The following SF3A1 variants were observed in gnomAD, a reference collection of about 807,000 sequenced individuals.
The protein encoded by SF3A1 is splicing factor 3a subunit 1, also known as SAP 114.
A neutral mutation model predicts 89.9 loss-of-function variants in SF3A1; 13 were observed. The ratio of observed to expected loss-of-function variants is 0.14; its 90% CI spans 0.09 to 0.23. SF3A1 has a LOEUF of 0.23. Ranked by LOEUF, SF3A1 falls within the 10% of genes least tolerant of loss-of-function variation. SF3A1 has a pLI of 1.00. For synonymous variants in SF3A1, 405 were observed against 374.4 expected (o/e 1.08, Z -0.94); for missense variants, 604 against 1,022.1 (o/e 0.59, Z 5.58).
chr22:30,353,747 T>G (rs1931672052), intron 1 of SF3A1, among the ~76,000 whole-genome samples: 1 of 152,308 alleles, frequency 6.6e-6, no homozygotes, highest in African/African-American at 2.4e-5. Context: ...GACACGAGTC[T>G]GCCGACGCTC....
chr22:30,336,918 C>T, intron 13 of SF3A1, 108 bp downstream of exon 13: 1 of 1,352,554 alleles, frequency 7.4e-7, no homozygotes, highest in Non-Finnish European at 1.0e-6. Flanking sequence ...GACCTAGGCC[C>T]CAGAAGCCAA....
rs1348960350 is a variant in SF3A1 at position 30,339,160 on chromosome 22, A to G, written c.1467T>C (p.Gly489=). ...VEETAIGKKI[G]EEEIQKPEEK... is the part of the protein sequence containing the mutation. ...CCTCTGGCTTCTGGATCTCCTCCTC[A>G]CCGATCTTCTTACCAATGGCTGTTT... The change falls in exon 10 of 16, where the codon GGT becomes GGC. Residue 489 remains glycine (G), a synonymous_variant. Transcript: ENST00000215793. 5 of 1,613,964 alleles carry G rather than the reference A, an allele frequency of 3.1e-6. No homozygotes were observed. The African/African-American group carries it at 5.3e-5, about 17-fold the overall frequency.
intron 7 of SF3A1, 125 bp from the exon 8 acceptor site, chr22:30,340,937 C>T: frequency 3.1e-6 from 2 of 650,058 alleles, no homozygotes; most frequent in Non-Finnish European, 5.4e-6. Context: ...TGTGCTAAGC[C>T]TCCCAGGGCA....
rs1375663376 is a variant in SF3A1, at chr22:30,356,764, G to A, written c.29C>T (p.Pro10Leu). MPAGPVQAV[P>L]PPPPVPTEPK... ...CTCCGTGGGCACGGGCGGCGGCGGG[G>A]GCACCGCCTGCACGGGTCCGGCCGG... Residue 10 changes from proline (P) to leucine (L), a missense_variant, in exon 1 of 16, where the codon CCC (proline) becomes CTC (leucine). Pro to Leu is a moderately conservative substitution (Grantham distance 98, BLOSUM62 -3). This residue lies in a region of SF3A1 where 55 missense variants were observed against 43.8 expected (regional missense o/e 1.25). Coordinates refer to ENST00000215793, the MANE Select transcript of SF3A1 (RefSeq NM_005877.6). 10 of 1,479,276 alleles carry A rather than the reference G, an allele frequency of 6.8e-6. No individual in the cohort carries two copies. Among genetic ancestry groups the A allele is most frequent in the Non-Finnish European group, 9.0e-6 (10 of 1,110,598 alleles). The allele number at this position is 1,479,276 out of a possible 1,614,324, so 91.6% of individuals were successfully genotyped here.
chr22:30,339,355 T>C (rs1476090506), intron 9 of SF3A1, 104 bp from the exon 10 acceptor site: 4 of 1,441,176 alleles, frequency 2.8e-6, no homozygotes, highest in Non-Finnish European at 3.8e-6. Context: ...GCTGGTTCCA[T>C]GGGATGAGGG....
intron 2 of SF3A1, among the ~76,000 whole-genome samples, chr22:30,351,352 A>G (rs1931588146): frequency 6.6e-6 from 1 of 152,084 alleles, no homozygotes; most frequent in African/African-American, 2.4e-5. Context: ...GTCTAATTTT[A>G]TTAGGTTGGG....
chr22:30,335,342 A>ATGG lies in SF3A1; in HGVS notation c.2280+122_2280+124dup, dbSNP rs1271922129. ...CCCAGCCAGCATCATGACTTCTAGGATGGATTCAGATGGCCACACCCAGAT... is the reference window on the plus strand; with the variant it reads ...CCCAGCCAGCATCATGACTTCTAGGATGGTGGATTCAGATGGCCACACCCAGAT... On this transcript the variant is annotated intron_variant, in intron 15 of 15. Transcript: ENST00000215793. The ATGG allele has an allele frequency of 1.2e-5, 10 of 821,460 alleles. No individual in the cohort carries two copies. The Admixed American group carries it at 1.9e-4, about 16-fold the overall frequency. The allele number at this position is 821,460 out of a possible 1,614,324, so 50.9% of individuals were successfully genotyped here. A position where few individuals can be genotyped will look rare whatever the true frequency, so the allele number is the denominator to read the frequency against.
At chr22:30,355,784 T>C (rs1030868599) in intron 1 of SF3A1, among the ~76,000 whole-genome samples, 15 of 150,474 alleles carry the variant, frequency 1.0e-4, no homozygotes, top group Admixed American at 4.0e-4. Context: ...CTTAAATATT[T>C]GTGGAAAAGG....
At chr22:30,345,282 G>T in intron 3 of SF3A1, 92 bp from the exon 4 acceptor site, 2 of 1,233,334 alleles carry the variant, frequency 1.6e-6, no homozygotes, top group Non-Finnish European at 1.2e-6. Context: ...GCACCCCTCA[G>T]CAGGATGCTG....
At chr22:30,341,967 C>A in intron 6 of SF3A1, 82 bp from the exon 7 acceptor site, 3 of 1,397,166 alleles carry the variant, frequency 2.1e-6, no homozygotes, top group Admixed American at 2.1e-5. Context: ...AGGGCTGGGG[C>A]CATGTCTGTT....
intron 2 of SF3A1, among the ~76,000 whole-genome samples, chr22:30,349,348 T>A (rs1427756875): frequency 6.6e-6 from 1 of 152,264 alleles, no homozygotes; most frequent in Non-Finnish European, 1.5e-5. Flanking sequence ...TGGCACAATC[T>A]TGGCTCACTG....
chr22:30,356,204 C>G (rs1266427594), intron 1 of SF3A1, among the ~76,000 whole-genome samples: 2 of 152,174 alleles, frequency 1.3e-5, no homozygotes, highest in East Asian at 3.9e-4. Context: ...AGCCTGTGAG[C>G]TCCCTAGGCA....
chr22:30,335,847 C>T (rs1418186451), intron 13 of SF3A1, 94 bp from the exon 14 acceptor site: 1 of 1,020,134 alleles, frequency 9.8e-7, no homozygotes, highest in African/African-American at 1.6e-5. Flanking sequence ...ACAATGTCAC[C>T]TGTGCATCTG....
At chr22:30,337,946 C>T (rs780231260) in intron 11 of SF3A1, 49 bp from the exon 12 acceptor site, 1 of 1,353,614 alleles carries the variant, frequency 7.4e-7, no homozygotes, top group East Asian at 2.3e-5. Flanking sequence ...AGTTGGACTC[C>T]AAGGTCACAC....
In SF3A1 at chr22:30,341,709, C is replaced by T. The variant is rs775368432; in HGVS notation, c.1054G>A (p.Val352Ile). ...PPSQLDQDTQ[V>I]QDMDEGSDDE... is the part of the protein sequence containing the mutation. ...CAGCTTACCTCATCCATATCTTGTACTTGGGTGTCCTGGTCCAGCTGGGAA... is the reference window on the plus strand; with the variant it reads ...CAGCTTACCTCATCCATATCTTGTATTTGGGTGTCCTGGTCCAGCTGGGAA... Residue 352 changes from valine to isoleucine, a missense_variant, in exon 7 of 16, where the codon GTA becomes ATA. Coordinates refer to ENST00000215793, the MANE Select transcript of SF3A1 (RefSeq NM_005877.6). The T allele has an allele frequency of 5.0e-6, 8 of 1,613,952 alleles. No homozygotes were observed. In the South Asian group the frequency reaches 7.7e-5, roughly 16 times the overall value.
rs374261018 is a variant in SF3A1 at position 30,344,921 on chromosome 22, C to T, written c.651+12G>A. 8.1e-5 allele frequency: 131 copies of T among 1,611,088 alleles called. No homozygotes were observed. The highest frequency in any genetic ancestry group is 1.0e-4 in the Non-Finnish European group (123 of 1,177,396). ...CTGGGCCCAGGACCCCAGCCCCATCCTGCCCAGGCACCTTGGTGTACTGTT... is the reference window on the plus strand; with the variant it reads ...CTGGGCCCAGGACCCCAGCCCCATCTTGCCCAGGCACCTTGGTGTACTGTT... On this transcript the variant is annotated intron_variant, in intron 4 of 15. Transcript: ENST00000215793.
chr22:30,344,579 G>C (rs956796257), intron 4 of SF3A1, among the ~76,000 whole-genome samples: 2 of 152,212 alleles, frequency 1.3e-5, no homozygotes, highest in Admixed American at 6.5e-5. Context: ...TTAGGTAAAA[G>C]GAGGCAACTC....
Position 30,345,207 on chromosome 22 carries a change from G to A in SF3A1, c.394-17C>T, listed in dbSNP as rs745466025. On this transcript the variant is annotated splice_polypyrimidine_tract_variant and intron_variant, in intron 3 of 15. Coordinates refer to ENST00000215793, the MANE Select transcript of SF3A1 (RefSeq NM_005877.6). ...GGCTTGGACCTAAGATGCAAAGGGA[G>A]TATGAGGCGAGAGGCACAGGGGTGA... 1 of 1,607,530 alleles carries A rather than the reference G, an allele frequency of 6.2e-7. No homozygotes were observed. Among genetic ancestry groups the A allele is most frequent in the Admixed American group, 1.7e-5 (1 of 59,790 alleles).
In SF3A1 at chr22:30,339,238, C is replaced by G; in HGVS notation, c.1389G>C (p.Glu463Asp). The change falls in exon 10 of 16, where the codon GAG becomes GAC. Residue 463 changes from glutamate to aspartate, a missense_variant. Glu to Asp is a conservative substitution (Grantham distance 45). This residue lies in a region of SF3A1 where 22 missense variants were observed against 116.0 expected (regional missense o/e 0.19). Transcript: ENST00000215793. ...DEVYAPGLDI[E>D]SSLKQLAERR... ...GCTCAGCCAACTGCTTCAAGCTGCT[C>G]TCAATATCCAGACCTGTACAGTCAC... The G allele has an allele frequency of 6.2e-7, 1 of 1,614,018 alleles. No individual in the cohort carries two copies. The highest frequency in any genetic ancestry group is 8.5e-7 in the Non-Finnish European group (1 of 1,180,044).
Sources: gnomAD v4.1 joint callset for allele counts (sites outside exome capture counted in the v4.1 genomes callset) on GRCh38, gnomAD v4.1.1 for gene constraint, gnomAD v4.1.1 regional missense constraint, MANE v1.5 for transcripts, NCBI Gene and HGNC (gene_info 2026-07-23, HGNC 2026-07-21) for gene names.